Variants in PVALB observed in about 807,000 individuals in gnomAD.
PVALB encodes the protein parvalbumin, also known as parvalbumin alpha.
A neutral mutation model predicts 10.9 loss-of-function variants in PVALB; 11 were observed. The ratio of observed to expected loss-of-function variants is 1.01; its 90% CI spans 0.63 to 1.67. The LOEUF (loss-of-function observed/expected upper bound fraction) is 1.67, where lower values mean the gene tolerates loss of function less well. Among genes scored for constraint, PVALB ranks in the 40% most tolerant of loss-of-function variants. The probability of loss-of-function intolerance (pLI) is 0.00; values close to 1 mark genes in which losing one functional copy is unlikely to be tolerated. For synonymous variants in PVALB, 57 were observed against 50.7 expected (o/e 1.12, Z -0.53); for missense variants, 131 against 136.2 (o/e 0.96, Z 0.19).
rs144686174 is a variant in PVALB at position 36,813,681 on chromosome 22, C to T, written c.269G>A (p.Gly90Glu). The change falls in exon 3 of 4, where the codon GGA (glycine) becomes GAA (glutamate). Residue 90 changes from glycine (G) to glutamate (E), a missense_variant. By Grantham distance (98) the Gly-to-Glu change is moderately conservative. Transcript: ENST00000417718. ...AATTTTGCCGTCCCCATCTTTGTCT[C>T]CAGCAGCCATCAGCATCTTGGTTTC... ...AKETKMLMAA[G>E]DKDGDGKIGV... 1 of 1,614,160 alleles carries T rather than the reference C, an allele frequency of 6.2e-7. No individual in the cohort carries two copies. The highest frequency in any genetic ancestry group is 8.5e-7 in the Non-Finnish European group (1 of 1,180,024).
At chr22:36,804,212 C>A (rs761979866) in intron 3 of PVALB, among the ~76,000 whole-genome samples, 1 of 152,146 alleles carries the variant, frequency 6.6e-6, no homozygotes, top group Non-Finnish European at 1.5e-5. Context: ...GTAAATAGCC[C>A]GTTGGTCACC....
intron 3 of PVALB, among the ~76,000 whole-genome samples, chr22:36,805,121 C>G (rs896093323): frequency 2.0e-5 from 3 of 152,182 alleles, no homozygotes; most frequent in Admixed American, 1.3e-4. Flanking sequence ...CCTGGTCTTG[C>G]TTTTCTTATG....
chr22:36,800,954 G>T, intron 3 of PVALB, 36 bp from the exon 4 acceptor site: 26 of 1,594,342 alleles, frequency 1.6e-5, no homozygotes, highest in Non-Finnish European at 2.2e-5. Flanking sequence ...TGAGTCAGAG[G>T]CGGGGATGCA....
chr22:36,803,655 G>A (rs999177378), intron 3 of PVALB, among the ~76,000 whole-genome samples: 2 of 142,264 alleles, frequency 1.4e-5, no homozygotes, highest in African/African-American at 5.3e-5. Flanking sequence ...AAAGATGAAT[G>A]GATGGATGGG....
At chr22:36,804,416 A>T (rs1184690025) in intron 3 of PVALB, among the ~76,000 whole-genome samples, 1 of 152,226 alleles carries the variant, frequency 6.6e-6, no homozygotes, top group East Asian at 1.9e-4. Context: ...CAGCCAGGAC[A>T]TCACAGTAGC....
At chr22:36,818,779 G>A (rs533350629), upstream of PVALB, 1 of 152,376 alleles carries the variant, frequency 6.6e-6, no homozygotes, top group East Asian at 1.9e-4. Context: ...AAGGACACAT[G>A]GTAAAGCAAT....
intron 3 of PVALB, 103 bp downstream of exon 3, chr22:36,813,542 AC>A: frequency 1.1e-6 from 1 of 888,114 alleles, no homozygotes; most frequent in South Asian, 1.4e-5. Flanking sequence ...GGAGTGAGGG[AC>A]CCCCATATCA....
intron 2 of PVALB, among the ~76,000 whole-genome samples, 169 bp downstream of exon 2, chr22:36,814,934 C>A (rs1049749265): frequency 6.6e-6 from 1 of 152,202 alleles, no homozygotes; most frequent in South Asian, 2.1e-4. Context: ...CACCAGGAAG[C>A]CTTCTCCCCT....
At chr22:36,819,124 C>T (rs1332651542), upstream of PVALB, among the ~76,000 whole-genome samples, 1 of 152,196 alleles carries the variant, frequency 6.6e-6, no homozygotes, top group Non-Finnish European at 1.5e-5. Flanking sequence ...TCTGGGTCCT[C>T]TCTGATGGCA....
At position 36,815,149 on chromosome 22, in the gene PVALB, T is replaced by C. The variant is rs867094109; in HGVS notation, c.148A>G (p.Met50Val). ...AAGCCACTTTTGTCCTTGTCCAGCA[T>C]GTGAAACACCTTCTTCACATCATCC... ...SADDVKKVFH[M>V]LDKDKSGFIE... The change falls in exon 2 of 4, where the codon ATG becomes GTG. Residue 50 changes from methionine (M) to valine (V), a missense_variant. Physicochemically the swap from Met to Val is conservative, Grantham distance 21. Transcript: ENST00000417718. The C allele has an allele frequency of 6.2e-7, 1 of 1,614,232 alleles. No individual in the cohort carries two copies. The highest frequency in any genetic ancestry group is 8.5e-7 in the Non-Finnish European group (1 of 1,180,042).
At chr22:36,811,079 C>A (rs1178502586) in intron 3 of PVALB, among the ~76,000 whole-genome samples, 1 of 152,146 alleles carries the variant, frequency 6.6e-6, no homozygotes, top group Non-Finnish European at 1.5e-5. Context: ...AGTTCGAGAC[C>A]AGCCTGGCCA....
At chr22:36,813,576 G>T in intron 3 of PVALB, 70 bp downstream of exon 3, 1 of 1,279,586 alleles carries the variant, frequency 7.8e-7, no homozygotes, top group Non-Finnish European at 1.1e-6. Flanking sequence ...GACAGACATA[G>T]CTTCAAACTT....
chr22:36,808,891 A>G (rs1939004361), intron 3 of PVALB, among the ~76,000 whole-genome samples: 1 of 151,982 alleles, frequency 6.6e-6, no homozygotes, highest in Non-Finnish European at 1.5e-5. Context: ...AGCCCTCCCC[A>G]TGTCAGCTCT....
intron 1 of PVALB, among the ~76,000 whole-genome samples, chr22:36,815,994 G>C (rs1317093664): frequency 6.6e-6 from 1 of 151,978 alleles, no homozygotes; most frequent in Non-Finnish European, 1.5e-5. Flanking sequence ...CTGTATCTTG[G>C]GGTCCTGTTT....
At chr22:36,804,508 A>G (rs1460952526) in intron 3 of PVALB, among the ~76,000 whole-genome samples, 1 of 152,212 alleles carries the variant, frequency 6.6e-6, no homozygotes, top group African/African-American at 2.4e-5. Context: ...TTGTAGATAA[A>G]TTGAGGGCAG....
In PVALB at chr22:36,804,857, C is replaced by G. The variant is rs117380377; in HGVS notation, c.305-3939G>C. ...GCTGAGGCAGGAGACTAGCTTGAAC[C>G]CGGGAGGTGGAGATTGCAGTGAGCT... On this transcript the variant is annotated intron_variant, in intron 3 of 3. Transcript: ENST00000417718. Among the ~76,000 whole-genome samples, 350 of 152,232 alleles carry G rather than the reference C, an allele frequency of 2.3e-3. 1 individual carries two copies. The highest frequency in any genetic ancestry group is 3.6e-3 in the Non-Finnish European group (248 of 68,022).
At chr22:36,803,178 A>C (rs987174673) in intron 3 of PVALB, among the ~76,000 whole-genome samples, 1 of 152,196 alleles carries the variant, frequency 6.6e-6, no homozygotes, top group Non-Finnish European at 1.5e-5. Context: ...AAAATTAAGT[A>C]GCTTGACCAT....
At chr22:36,805,831 A>G (rs1199592813) in intron 3 of PVALB, among the ~76,000 whole-genome samples, 1 of 152,098 alleles carries the variant, frequency 6.6e-6, no homozygotes, top group Non-Finnish European at 1.5e-5. Flanking sequence ...AACATTAACT[A>G]CGAAAGTCCT....
chr22:36,814,337 G>C (rs1426311797), intron 2 of PVALB, among the ~76,000 whole-genome samples: 2 of 151,792 alleles, frequency 1.3e-5, no homozygotes. Flanking sequence ...GATGTAAGTG[G>C]GTAGAACGTG....
Sources: allele counts gnomAD v4.1 joint callset (sites outside exome capture counted in the v4.1 genomes callset), GRCh38; gene constraint gnomAD v4.1.1; transcripts MANE v1.5; gene names NCBI Gene and HGNC (gene_info 2026-07-23, HGNC 2026-07-21).